The following CAD variants were observed in gnomAD, a reference collection of about 807,000 sequenced individuals.
CAD encodes the protein multifunctional protein CAD.
Under a neutral mutation model 237.2 loss-of-function variants are expected in CAD, and 81 were observed. That is an observed-to-expected ratio of 0.34 (90% CI 0.29 to 0.41). CAD has a LOEUF of 0.41. Ranked by LOEUF, CAD falls within the 10% of genes least tolerant of loss-of-function variation. The pLI is 1.00. For missense variants in CAD, 2,181 were observed against 2,951.7 expected (o/e 0.74, Z 6.05); for synonymous variants, 1,196 against 1,162.8 (o/e 1.03, Z -0.58).
Position 27,241,873 on chromosome 2 carries a change from C to A in CAD, c.5884-38C>A. On this transcript the variant is annotated intron_variant, in intron 38 of 43. Transcript: ENST00000264705. The surrounding 1 kb of genome is among the most constrained non-coding windows in gnomAD (Gnocchi z 4.6). ...CTAGCTGGGGTTTCCCCAGGGTGGA[C>A]ACGCATACGTACACCTTCCATCTTG... 5 of 1,550,546 alleles carry A rather than the reference C, an allele frequency of 3.2e-6. No homozygotes were observed. The highest frequency in any genetic ancestry group is 4.4e-6 in the Non-Finnish European group (5 of 1,126,024).
At chr2:27,218,071 TA>T in intron 2 of CAD, 55 bp downstream of exon 2, 1 of 1,477,748 alleles carries the variant, frequency 6.8e-7, no homozygotes, top group Non-Finnish European at 9.1e-7. Context: ...AATTGTTAAC[TA>T]TTAGTGAAGT....
chr2:27,229,139 C>G (rs75725129), intron 15 of CAD, among the ~76,000 whole-genome samples: 9 of 151,080 alleles, frequency 6.0e-5, no homozygotes, highest in African/African-American at 2.2e-4. Flanking sequence ...AGGATGGTCT[C>G]GATCTCTTAA....
rs749788077 is a variant in CAD, at chr2:27,222,311, C to T, written c.470C>T (p.Pro157Leu). The T allele has an allele frequency of 6.2e-7, 1 of 1,612,740 alleles. No individual in the cohort carries two copies. The highest frequency in any genetic ancestry group is 2.2e-5 in the East Asian group (1 of 44,826). The change falls in exon 4 of 44, where the codon CCC becomes CTC. Residue 157 changes from proline (P) to leucine (L), a missense_variant. By Grantham distance (98) the Pro-to-Leu change is moderately conservative. Around this residue, in one of 12 missense-constraint regions of CAD, gnomAD observed 314 missense variants for 339.4 expected, o/e 0.93. Coordinates refer to ENST00000264705, the MANE Select transcript of CAD (RefSeq NM_004341.5). ...SLPFLDPNAR[P>L]LVPEVSIKTP... The stretch of plus-strand genomic sequence containing the variant: ...CCATTCTTGGACCCCAATGCCCGCC[C>T]CCTGGTACCAGAGGTCTCCATTAAG...
chr2:27,225,981 G>A, intron 12 of CAD, 55 bp downstream of exon 12: 1 of 1,565,154 alleles, frequency 6.4e-7, no homozygotes, highest in Non-Finnish European at 8.8e-7. Context: ...GCTTTTGGAA[G>A]AGCAGAGGCC....
Position 27,243,390 on chromosome 2 carries a change from CTTTTTTTTT to C in CAD, c.6576-13_6576-5del. The C allele has an allele frequency of 2.0e-5, 28 of 1,378,396 alleles. No homozygotes were observed. Among genetic ancestry groups the C allele is most frequent in the East Asian group, 4.9e-5 (2 of 41,078 alleles). 85.4% of individuals were successfully genotyped at this position (1,378,396 alleles called of 1,614,324 possible). A position where few individuals can be genotyped will look rare whatever the true frequency, so the allele number is the denominator to read the frequency against. ...TCCATGGGCTGCACGATAACACTTC[CTTTTTTTTT>C]TTTTTTTTTTTTGCAGCGTGGAAGT... is the stretch of plus-strand genomic sequence containing the variant. On this transcript the variant is annotated splice_polypyrimidine_tract_variant and intron_variant, in intron 43 of 43. Coordinates refer to ENST00000264705, the MANE Select transcript of CAD (RefSeq NM_004341.5).
chr2:27,222,148 A>C (rs780733991), intron 3 of CAD, 46 bp from the exon 4 acceptor site: 2 of 1,581,134 alleles, frequency 1.3e-6, no homozygotes, highest in Non-Finnish European at 1.7e-6. Flanking sequence ...CTCACAGATG[A>C]CTGAGTTGTA....
At position 27,222,961 on chromosome 2, in the gene CAD, C is replaced by T. The variant is rs1165891429; in HGVS notation, c.733C>T (p.Pro245Ser). The stretch of plus-strand genomic sequence containing the variant: ...GAGCCGTGTTTTATCTGAGCCTAAT[C>T]CCCGACCTGTCTTTGGGATCTGCCT... ...TLSRVLSEPNPRPVFGICLGH... is the reference protein window; with the variant it reads ...TLSRVLSEPNSRPVFGICLGH... The change falls in exon 6 of 44, where the codon CCC (proline) becomes TCC (serine). Residue 245 changes from proline to serine, a missense_variant. By Grantham distance (74) the Pro-to-Ser change is moderately conservative. This residue lies in a region of CAD where 314 missense variants were observed against 339.4 expected (regional missense o/e 0.93). Coordinates refer to ENST00000264705, the MANE Select transcript of CAD (RefSeq NM_004341.5). 6.2e-7 allele frequency: 1 copy of T among 1,614,192 alleles called. No homozygotes were observed. Among genetic ancestry groups the T allele is most frequent in the Admixed American group, 1.7e-5 (1 of 60,026 alleles).
At chr2:27,221,120 A>G in intron 2 of CAD, 98 bp from the exon 3 acceptor site, 1 of 1,044,290 alleles carries the variant, frequency 9.6e-7, no homozygotes, top group Non-Finnish European at 1.3e-6. Context: ...AAGGCCATTC[A>G]ATGTGGCTGA....
In CAD at chr2:27,223,746, C is replaced by G; in HGVS notation, c.993C>G (p.Phe331Leu). ...TTGTGCACAACAGCTTGCCTTTCTT[C>G]AGGTGAGCCTGGTTGACTGGGTCTG... is the stretch of plus-strand genomic sequence containing the variant. ...EGIVHNSLPFFSVQFHPEHQA... is the reference protein window; with the variant it reads ...EGIVHNSLPFLSVQFHPEHQA... The change falls in exon 7 of 44, where the codon TTC becomes TTG. Residue 331 changes from phenylalanine to leucine, a missense_variant and splice_region_variant. Physicochemically the swap from Phe to Leu is conservative, Grantham distance 22. Transcript: ENST00000264705. 6.2e-7 allele frequency: 1 copy of G among 1,613,846 alleles called. No individual in the cohort carries two copies. The highest frequency in any genetic ancestry group is 8.5e-7 in the Non-Finnish European group (1 of 1,179,752).
Position 27,232,754 on chromosome 2 carries a change from T to C in CAD, c.2892+60T>C. 6.3e-7 allele frequency: 1 copy of C among 1,598,814 alleles called. No homozygotes were observed. The highest frequency in any genetic ancestry group is 8.6e-7 in the Non-Finnish European group (1 of 1,167,444). ...TATTCTGTTCATCTCTAGCAATTGC[T>C]TGGCACTAATCCTGGCATTTCCTAT... On this transcript the variant is annotated intron_variant, in intron 18 of 43. Coordinates refer to ENST00000264705, the MANE Select transcript of CAD (RefSeq NM_004341.5). This position sits in a 1 kb window ranked among gnomAD's most constrained non-coding sequence, Gnocchi z 4.1.
chr2:27,242,838 C>T lies in CAD; in HGVS notation c.6379-34C>T, dbSNP rs1228943660. 16 of 1,612,944 alleles carry T rather than the reference C, an allele frequency of 9.9e-6. No homozygotes were observed. The highest frequency in any genetic ancestry group is 1.3e-5 in the African/African-American group (1 of 74,928). Reference sequence around the variant, plus strand: ...TGTGGGTTGGGCAGTCAGAGCCCAGCGCTGCATCCACCATGGCTCTCCTCA... The same window carrying T: ...TGTGGGTTGGGCAGTCAGAGCCCAGTGCTGCATCCACCATGGCTCTCCTCA... On this transcript the variant is annotated intron_variant, in intron 41 of 43. Coordinates refer to ENST00000264705, the MANE Select transcript of CAD (RefSeq NM_004341.5). This position sits in a 1 kb window ranked among gnomAD's most constrained non-coding sequence, Gnocchi z 6.4.
chr2:27,239,261 G>C lies in CAD; in HGVS notation c.5253+29G>C, dbSNP rs1676178697. ...TGGGGATGAGGCCCAGAGCAGGAGG[G>C]GGGCTCTCCAGCCCTAGGATATGTT... On this transcript the variant is annotated intron_variant, in intron 32 of 43. Transcript: ENST00000264705. The surrounding 1 kb of genome is among the most constrained non-coding windows in gnomAD (Gnocchi z 4.0). 6.2e-7 allele frequency: 1 copy of C among 1,600,970 alleles called. No homozygotes were observed. The highest frequency in any genetic ancestry group is 1.3e-5 in the African/African-American group (1 of 74,680).
chr2:27,231,724 A>T (rs1675767788), intron 16 of CAD, 144 bp downstream of exon 16: 1 of 671,866 alleles, frequency 1.5e-6, no homozygotes, highest in East Asian at 2.7e-5. Context: ...GAATTTTGAG[A>T]TGTCTCATTA....
Position 27,225,813 on chromosome 2 carries a change from C to A in CAD, c.1729C>A (p.Leu577Ile). Residue 577 changes from leucine (L) to isoleucine (I), a missense_variant, in exon 12 of 44, where the codon CTC (leucine) becomes ATC (isoleucine). Physicochemically the swap from Leu to Ile is conservative, Grantham distance 5. This residue lies in a region of CAD where 174 missense variants were observed against 215.8 expected (regional missense o/e 0.81). Transcript: ENST00000264705. ...FASNREELSA[L>I]VAPAFAHTSQ... ...CTCTAACAGGGAGGAGCTCTCTGCT[C>A]TCGTGGCCCCAGCTTTTGCCCATAC... 6.2e-7 allele frequency: 1 copy of A among 1,614,162 alleles called. No homozygotes were observed.
rs1676370958 is a variant in CAD, at chr2:27,242,513, T to C, written c.6222+86T>C. 16 of 1,565,032 alleles carry C rather than the reference T, an allele frequency of 1.0e-5. No individual in the cohort carries two copies. The South Asian group carries it at 1.4e-4, about 14-fold the overall frequency. On this transcript the variant is annotated intron_variant, in intron 40 of 43. Coordinates refer to ENST00000264705, the MANE Select transcript of CAD (RefSeq NM_004341.5). This position sits in a 1 kb window ranked among gnomAD's most constrained non-coding sequence, Gnocchi z 6.4. ...AGTGGTTACCCCGGTACAGGACAGC[T>C]GCATCAAGGAGGCCTTCATTCTGCT...
At chr2:27,220,210 G>C (rs917261380) in intron 2 of CAD, among the ~76,000 whole-genome samples, 2 of 152,070 alleles carry the variant, frequency 1.3e-5, no homozygotes, top group African/African-American at 2.4e-5. Flanking sequence ...TCGTGACAAA[G>C]ACACAAATAC....
chr2:27,217,543 T>C lies in CAD; in HGVS notation c.-9T>C. On this transcript the variant is annotated 5_prime_UTR_variant, in exon 1 of 44. Coordinates refer to ENST00000264705, the MANE Select transcript of CAD (RefSeq NM_004341.5). ...TCCGTACTCGCCCCCGCCTCTGAGC[T>C]CCCTTCCCATGGCGGCCCTAGTGTT... The C allele has an allele frequency of 6.2e-7, 1 of 1,601,816 alleles. No individual in the cohort carries two copies. Among genetic ancestry groups the C allele is most frequent in the Non-Finnish European group, 8.5e-7 (1 of 1,174,352 alleles).
rs770568943 is a variant in CAD at position 27,225,733 on chromosome 2, A to T, written c.1649A>T (p.Tyr550Phe). The stretch of plus-strand genomic sequence containing the variant: ...CAGGCAGCCGCTGAACGGCTGGGGT[A>T]CCCTGTGCTAGTGCGTGCAGCCTTT... ...QAQAAAERLG[Y>F]PVLVRAAFAL... The change falls in exon 12 of 44, where the codon TAC (tyrosine) becomes TTC (phenylalanine). Residue 550 changes from tyrosine to phenylalanine, a missense_variant. This residue lies in a region of CAD where 174 missense variants were observed against 215.8 expected (regional missense o/e 0.81). Transcript: ENST00000264705. 1 of 1,614,110 alleles carries T rather than the reference A, an allele frequency of 6.2e-7. No individual in the cohort carries two copies. Among genetic ancestry groups the T allele is most frequent in the Non-Finnish European group, 8.5e-7 (1 of 1,179,990 alleles).
In CAD at chr2:27,233,952, GAGTA is replaced by G. The variant is rs1003306956; in HGVS notation, c.3400-52_3400-49del. The G allele has an allele frequency of 1.9e-6, 3 of 1,563,548 alleles. No homozygotes were observed. The highest frequency in any genetic ancestry group is 1.7e-5 in the Admixed American group (1 of 57,726). On this transcript the variant is annotated intron_variant, in intron 21 of 43. Transcript: ENST00000264705. This position sits in a 1 kb window ranked among gnomAD's most constrained non-coding sequence, Gnocchi z 6.3. ...CTCGTTAAAGGAAGAGACAATCCTA[GAGTA>G]AGTGAGAGAAGAAAGTGGCCCTATG...
Sources: allele counts gnomAD v4.1 joint callset (sites outside exome capture counted in the v4.1 genomes callset), GRCh38; gene constraint gnomAD v4.1.1; regional missense constraint gnomAD v4.1.1; non-coding constraint Gnocchi (gnomAD v3.1); transcripts MANE v1.5; gene names NCBI Gene and HGNC (gene_info 2026-07-23, HGNC 2026-07-21).